POLN: variants seen among roughly 807,000 people sequenced by gnomAD.
POLN encodes DNA polymerase nu, also known as DNA polymerase N.
Under a neutral mutation model 113.5 loss-of-function variants are expected in POLN, and 108 were observed. That is an observed-to-expected ratio of 0.95 (90% CI 0.81 to 1.12). The LOEUF is 1.12. POLN is among the 50% of genes most tolerant of loss of function. POLN has a pLI of 0.00. For synonymous variants in POLN, 386 were observed against 391.5 expected (o/e 0.99, Z 0.17); for missense variants, 1,097 against 1,077.1 (o/e 1.02, Z -0.26).
chr4:2,170,646 C>T, intron 13 of POLN, 33 bp downstream of exon 13: 1 of 1,576,858 alleles, frequency 6.3e-7, no homozygotes, highest in Non-Finnish European at 8.7e-7. Flanking sequence ...TGCTGTCATT[C>T]TAAAAAGAAA....
chr4:2,129,097 A>G, intron 18 of POLN, 82 bp downstream of exon 18: 1 of 988,208 alleles, frequency 1.0e-6, no homozygotes, highest in East Asian at 2.5e-5. Context: ...GAAAGAATGA[A>G]TTCCATAAGT....
At chr4:2,143,434 T>C (rs1156866288) in intron 16 of POLN, among the ~76,000 whole-genome samples, 1 of 152,106 alleles carries the variant, frequency 6.6e-6, no homozygotes, top group African/African-American at 2.4e-5. Context: ...CACGTAAATT[T>C]CACAACTTAG....
intron 3 of POLN, among the ~76,000 whole-genome samples, chr4:2,222,101 T>C (rs1158678109): frequency 6.6e-6 from 1 of 152,224 alleles, no homozygotes; most frequent in Non-Finnish European, 1.5e-5. Flanking sequence ...CTGCCTGTTA[T>C]TTTGCATTCA....
At chr4:2,228,900 A>T in intron 3 of POLN, 199 bp downstream of exon 3, 1 of 444,530 alleles carries the variant, frequency 2.2e-6, no homozygotes, top group East Asian at 3.6e-5. Context: ...TAAGGAAGAG[A>T]GTGTTACATT....
intron 3 of POLN, among the ~76,000 whole-genome samples, chr4:2,214,292 C>T (rs1333855485): frequency 6.6e-6 from 1 of 151,782 alleles, no homozygotes; most frequent in African/African-American, 2.4e-5. Flanking sequence ...TAGAAGAGAA[C>T]AGACAACCCA....
intron 13 of POLN, among the ~76,000 whole-genome samples, chr4:2,167,584 C>T (rs1396637582): frequency 6.6e-6 from 1 of 152,152 alleles, no homozygotes; most frequent in African/African-American, 2.4e-5. Context: ...AGACTGTGTT[C>T]TCTTATCACA....
intron 7 of POLN, among the ~76,000 whole-genome samples, chr4:2,187,291 G>A (rs748262809): frequency 3.9e-5 from 6 of 152,032 alleles, no homozygotes; most frequent in African/African-American, 7.3e-5. Context: ...TTGCTCAGGC[G>A]GAAGTGCAAT....
At position 2,208,126 on chromosome 4, in the gene POLN, G is replaced by A. The variant is rs1391386843; in HGVS notation, c.575C>T (p.Ala192Val). 3 of 1,614,012 alleles carry A rather than the reference G, an allele frequency of 1.9e-6. No individual in the cohort carries two copies. Among genetic ancestry groups the A allele is most frequent in the Non-Finnish European group, 2.5e-6 (3 of 1,180,030 alleles). The change falls in exon 5 of 26, where the codon GCA (alanine) becomes GTA (valine). Residue 192 changes from alanine to valine, a missense_variant. Coordinates refer to ENST00000511885, the MANE Select transcript of POLN (RefSeq NM_181808.4). ...EGYLNSGNSG[A>V]LKKHFCDIRH... is the part of the protein sequence containing the mutation. Reference sequence around the variant, plus strand: ...AATATCACAAAAATGTTTTTTCAATGCTCCTGAGTTCCCAGAATTTAGGTA... The same window carrying A: ...AATATCACAAAAATGTTTTTTCAATACTCCTGAGTTCCCAGAATTTAGGTA...
At chr4:2,233,105 TCA>T (rs1218451395) in intron 2 of POLN, among the ~76,000 whole-genome samples, 18 of 152,316 alleles carry the variant, frequency 1.2e-4, no homozygotes, top group Admixed American at 3.3e-4. Flanking sequence ...AAATGCCAAT[TCA>T]CAGAGGAGTA....
chr4:2,208,466 G>T lies in POLN; in HGVS notation c.235C>A (p.Gln79Lys), dbSNP rs761727690. Residue 79 changes from glutamine to lysine, a missense_variant, in exon 5 of 26, where the codon CAG (glutamine) becomes AAG (lysine). Coordinates refer to ENST00000511885, the MANE Select transcript of POLN (RefSeq NM_181808.4). ...EKKDLKSLRS[Q>K]TSRGSAKLSP... Reference sequence around the variant, plus strand: ...AGCTTGGCAGAACCTCTTGATGTCTGACTTCTTAAAGATTTAAGATCCTAC... The same window carrying T: ...AGCTTGGCAGAACCTCTTGATGTCTTACTTCTTAAAGATTTAAGATCCTAC... 1 of 1,553,884 alleles carries T rather than the reference G, an allele frequency of 6.4e-7. No homozygotes were observed.
chr4:2,073,450 AG>A (rs1231010465), intron 24 of POLN, among the ~76,000 whole-genome samples: 1 of 152,136 alleles, frequency 6.6e-6, no homozygotes, highest in South Asian at 2.1e-4. Context: ...AGGCACAGGG[AG>A]CCCCCACCAG....
chr4:2,079,425 T>G (rs1340478106), intron 23 of POLN: 1 of 985,242 alleles, frequency 1.0e-6, no homozygotes, highest in African/African-American at 1.7e-5. Flanking sequence ...CACTAGAGGC[T>G]GCCTGGCATC....
At chr4:2,092,967 A>T (rs1730702438) in intron 20 of POLN, among the ~76,000 whole-genome samples, 1 of 152,238 alleles carries the variant, frequency 6.6e-6, no homozygotes, top group African/African-American at 2.4e-5. Flanking sequence ...AACAATGGGA[A>T]CAGCAGAGCC....
In POLN at chr4:2,147,643, C is replaced by CTTTTTTTTT. The variant is rs747184067; in HGVS notation, c.1731+9136_1731+9144dup. Among the ~76,000 whole-genome samples, 12 of 79,356 alleles carry CTTTTTTTTT rather than the reference C, an allele frequency of 1.5e-4. 1 individual carries two copies. The highest frequency in any genetic ancestry group is 4.6e-4 in the South Asian group (1 of 2,162). The allele number at this position is 79,356 out of a possible 152,430, so 52.1% of individuals were successfully genotyped here. A position where few individuals can be genotyped will look rare whatever the true frequency, so the allele number is the denominator to read the frequency against. Reference sequence around the variant, plus strand: ...AGATCAGACATCCAGTTTTTCTTTTCTTTTTTTTTTTTTTTTGAGACAAAG... The same window carrying CTTTTTTTTT: ...AGATCAGACATCCAGTTTTTCTTTTCTTTTTTTTTTTTTTTTTTTTTTTTTGAGACAAAG... On this transcript the variant is annotated intron_variant, in intron 16 of 25. Coordinates refer to ENST00000511885, the MANE Select transcript of POLN (RefSeq NM_181808.4).
intron 19 of POLN, among the ~76,000 whole-genome samples, chr4:2,099,388 G>A (rs1730871571): frequency 6.6e-6 from 1 of 152,242 alleles, no homozygotes; most frequent in Admixed American, 6.5e-5. Context: ...TCAGTGTGAA[G>A]GGAACGGCCC....
At chr4:2,219,961 T>C (rs955817865) in intron 3 of POLN, among the ~76,000 whole-genome samples, 1 of 152,108 alleles carries the variant, frequency 6.6e-6, no homozygotes, top group African/African-American at 2.4e-5. Flanking sequence ...CCTGCCTTGA[T>C]CCAGCACCCT....
At chr4:2,142,685 A>G (rs1732032353) in intron 16 of POLN, among the ~76,000 whole-genome samples, 1 of 152,214 alleles carries the variant, frequency 6.6e-6, no homozygotes, top group African/African-American at 2.4e-5. Context: ...AACAAAACAA[A>G]AAAACAAAAC....
chr4:2,142,721 C>A (rs965344542), intron 16 of POLN, among the ~76,000 whole-genome samples: 3 of 152,060 alleles, frequency 2.0e-5, no homozygotes, highest in Non-Finnish European at 1.5e-5. Context: ...TCTCATTAGC[C>A]AAAGGACCAG....
chr4:2,156,507 A>G, intron 16 of POLN: 1 of 569,852 alleles, frequency 1.8e-6, no homozygotes, highest in Non-Finnish European at 3.3e-6. Context: ...AAATCTGAAA[A>G]GGAAGATGGG....
Sources: allele counts gnomAD v4.1 joint callset (sites outside exome capture counted in the v4.1 genomes callset), GRCh38; gene constraint gnomAD v4.1.1; transcripts MANE v1.5; gene names NCBI Gene and HGNC (gene_info 2026-07-23, HGNC 2026-07-21).